Variants in RALYL observed in about 807,000 individuals in gnomAD.
RALYL encodes RALY RNA binding protein like, also known as RNA-binding Raly-like protein.
A neutral mutation model predicts 35.1 loss-of-function variants in RALYL; 29 were observed. The ratio of observed to expected loss-of-function variants is 0.83; its 90% confidence interval spans 0.61 to 1.13. The LOEUF (loss-of-function observed/expected upper bound fraction) is 1.13. Among genes scored for constraint, RALYL ranks in the 50% most tolerant of loss-of-function variants. The pLI, the probability that RALYL is intolerant of heterozygous loss-of-function variation, is 0.00. For missense variants in RALYL, 359 were observed against 360.4 expected (o/e 1.00, Z 0.03); for synonymous variants, 120 against 127.6 (o/e 0.94, Z 0.40).
chr8:84,708,357 G>A (rs1841571121), intron 2 of RALYL, among the ~76,000 whole-genome samples: 1 of 152,068 alleles, frequency 6.6e-6, no homozygotes, highest in Admixed American at 6.6e-5. Flanking sequence ...AGGAGGAGAG[G>A]GAGGGAAGAG....
chr8:84,279,253 A>G (rs1836044332), intron 1 of RALYL, among the ~76,000 whole-genome samples: 1 of 152,192 alleles, frequency 6.6e-6, no homozygotes. Flanking sequence ...CACCCTTGAC[A>G]TGTAGGGATT....
At chr8:84,667,410 C>T (rs1335343629) in intron 2 of RALYL, among the ~76,000 whole-genome samples, 1 of 152,072 alleles carries the variant, frequency 6.6e-6, no homozygotes, top group Non-Finnish European at 1.5e-5. Context: ...TTTTCTTTTA[C>T]TCCTTCTTAG....
intron 2 of RALYL, among the ~76,000 whole-genome samples, chr8:84,739,277 C>T (rs1162206626): frequency 2.6e-5 from 4 of 151,760 alleles, no homozygotes; most frequent in Admixed American, 6.6e-5. Flanking sequence ...TTATCAAATA[C>T]TTCACATCGT....
chr8:84,875,287 T>TTATGGAGAACTCATTTAAA (rs959690703), intron 7 of RALYL, among the ~76,000 whole-genome samples: 1 of 152,150 alleles, frequency 6.6e-6, no homozygotes, highest in Non-Finnish European at 1.5e-5. Flanking sequence ...GTTTAAAGGA[T>TTATGGAGAACTCATTTAAA]TATGGAGAAC....
intron 1 of RALYL, among the ~76,000 whole-genome samples, chr8:84,528,171 A>G (rs1211443261): frequency 1.3e-5 from 2 of 152,184 alleles, no homozygotes; most frequent in South Asian, 2.1e-4. Context: ...ATATAAAAAT[A>G]TAGTTGTCAC....
intron 1 of RALYL, among the ~76,000 whole-genome samples, chr8:84,362,566 C>G (rs1253746943): frequency 6.6e-6 from 1 of 152,130 alleles, no homozygotes; most frequent in Non-Finnish European, 1.5e-5. Context: ...AGCGTGAACC[C>G]TGTTGTGAAC....
chr8:84,560,174 T>G (rs2061386716), intron 2 of RALYL, among the ~76,000 whole-genome samples: 1 of 151,956 alleles, frequency 6.6e-6, no homozygotes, highest in African/African-American at 2.4e-5. Context: ...TATGCCATTA[T>G]TTAGATTATA....
intron 6 of RALYL, chr8:84,872,565 A>G (rs7011137): frequency 0.46 from 69,448 of 152,000 alleles, 18,827 homozygotes; most frequent in African/African-American, 0.74. Context: ...AAAATGAAAA[A>G]TTGTCATCTT....
At chr8:84,510,128 T>C (rs1189156383) in intron 1 of RALYL, among the ~76,000 whole-genome samples, 1 of 152,206 alleles carries the variant, frequency 6.6e-6, no homozygotes, top group Non-Finnish European at 1.5e-5. Context: ...TCTATGAACA[T>C]GGAATATTTC....
rs200786686 is a variant in RALYL at position 84,234,768 on chromosome 8, TA to T, written c.-24+50345del. Among the ~76,000 whole-genome samples, 88 of 138,534 alleles carry T rather than the reference TA, an allele frequency of 6.4e-4. 3 individuals are homozygous for T. The South Asian group carries it at 9.5e-3, about 15-fold the overall frequency. 90.9% of individuals were successfully genotyped at this position (138,534 alleles called of 152,430 possible). A position where few individuals can be genotyped will look rare whatever the true frequency, so the allele number is the denominator to read the frequency against. On this transcript the variant is annotated intron_variant, in intron 1 of 8. Transcript: ENST00000521268. ...AATTGCAAAATTTTATTTATTTATT[TA>T]TTTTTTTTTTTTTGAGATGGAGTCT...
chr8:84,308,019 A>T (rs1049802805), intron 1 of RALYL, among the ~76,000 whole-genome samples: 10 of 151,348 alleles, frequency 6.6e-5, no homozygotes, highest in Non-Finnish European at 1.5e-4. Context: ...TCAAAACCGT[A>T]GGTCAGAAAA....
At chr8:84,573,111 T>G (rs1468316725) in intron 2 of RALYL, among the ~76,000 whole-genome samples, 1 of 151,406 alleles carries the variant, frequency 6.6e-6, no homozygotes, top group Non-Finnish European at 1.5e-5. Context: ...TGTATATTAT[T>G]AACACAATAT....
Position 84,409,977 on chromosome 8 carries a change from C to T in RALYL, c.-23-119322C>T, listed in dbSNP as rs552133303. Among the ~76,000 whole-genome samples the T allele has an allele frequency of 3.8e-4, 57 of 151,992 alleles. No homozygotes were observed. In the South Asian group the frequency reaches 0.011, roughly 30 times the overall value. On this transcript the variant is annotated intron_variant, in intron 1 of 8. Transcript: ENST00000521268. ...GAACTAAACCCAAAAATGGCCCAGC[C>T]ACAGAATCTTAAAATCTTCTATTAA...
At chr8:84,428,855 G>A (rs986887763) in intron 1 of RALYL, among the ~76,000 whole-genome samples, 2 of 152,118 alleles carry the variant, frequency 1.3e-5, no homozygotes, top group African/African-American at 4.8e-5. Context: ...TATATTGTGT[G>A]AGTTATGTCT....
chr8:84,408,796 G>T (rs2043811859), intron 1 of RALYL, among the ~76,000 whole-genome samples: 1 of 152,044 alleles, frequency 6.6e-6, no homozygotes, highest in South Asian at 2.1e-4. Flanking sequence ...AATGCTATAT[G>T]TAGAACATAC....
chr8:84,220,240 G>T (rs527358224), intron 1 of RALYL, among the ~76,000 whole-genome samples: 1 of 152,090 alleles, frequency 6.6e-6, no homozygotes, highest in South Asian at 2.1e-4. Context: ...AGTTCTTTAA[G>T]ACTACATAAA....
chr8:84,650,824 A>G (rs1223347653), intron 2 of RALYL, among the ~76,000 whole-genome samples: 1 of 152,044 alleles, frequency 6.6e-6, no homozygotes, highest in African/African-American at 2.4e-5. Flanking sequence ...AACCAACCCA[A>G]ATGTCCAACA....
At chr8:84,642,873 C>G (rs563399717) in intron 2 of RALYL, among the ~76,000 whole-genome samples, 1 of 151,988 alleles carries the variant, frequency 6.6e-6, no homozygotes, top group African/African-American at 2.4e-5. Context: ...TACTTTATCT[C>G]CTGTCAGAGA....
chr8:84,842,796 A>G (rs936762037), intron 4 of RALYL, among the ~76,000 whole-genome samples: 3 of 152,188 alleles, frequency 2.0e-5, no homozygotes, highest in Non-Finnish European at 4.4e-5. Context: ...CATCCCTGGG[A>G]TGCAAGGCTG....
Sources: allele counts gnomAD v4.1 joint callset (sites outside exome capture counted in the v4.1 genomes callset), GRCh38; gene constraint gnomAD v4.1.1; transcripts MANE v1.5; gene names NCBI Gene and HGNC (gene_info 2026-07-23, HGNC 2026-07-21).